ARHGEF7: variants seen among roughly 807,000 people sequenced by gnomAD.
ARHGEF7 encodes Rho guanine nucleotide exchange factor 7.
ARHGEF7 carries 33 observed loss-of-function variants against 109.8 expected under a neutral mutation model. The ratio of observed to expected loss-of-function variants is 0.30; its 90% CI spans 0.23 to 0.40. The LOEUF (loss-of-function observed/expected upper bound fraction) is 0.40. Ranked by LOEUF, ARHGEF7 falls within the 10% of genes least tolerant of loss-of-function variation. The pLI is 1.00. For synonymous variants in ARHGEF7, 458 were observed against 424.6 expected (o/e 1.08, Z -0.97); for missense variants, 938 against 1,098.5 (o/e 0.85, Z 2.07).
chr13:111,233,162 C>G (rs1172456802), intron 5 of ARHGEF7, 43 bp from the exon 6 acceptor site: 3 of 1,531,090 alleles, frequency 2.0e-6, no homozygotes, highest in African/African-American at 2.7e-5. Flanking sequence ...CTTTTGTCAT[C>G]TTTAGTACTG....
At chr13:111,221,515 ATATATATC>A (rs2084271749) in intron 5 of ARHGEF7, among the ~76,000 whole-genome samples, 1 of 49,758 alleles carries the variant, frequency 2.0e-5, no homozygotes, top group African/African-American at 7.8e-5. Flanking sequence ...ATATATATAG[ATATATATC>A]TATATATATC....
At chr13:111,294,288 C>G (rs187706174) in intron 19 of ARHGEF7, 6 of 985,290 alleles carry the variant, frequency 6.1e-6, no homozygotes, top group Middle Eastern at 5.2e-4. Flanking sequence ...TTGTTTGCCT[C>G]GAGACTACTC....
intron 2 of ARHGEF7, among the ~76,000 whole-genome samples, chr13:111,201,574 C>A (rs530974715): frequency 6.6e-6 from 1 of 152,210 alleles, no homozygotes. Flanking sequence ...TTTTCCTTGG[C>A]AGAATGGAGT....
chr13:111,245,216 G>A (rs2153547953), intron 8 of ARHGEF7, among the ~76,000 whole-genome samples: 1 of 152,278 alleles, frequency 6.6e-6, no homozygotes, highest in South Asian at 2.1e-4. Context: ...GATTCAGAAA[G>A]TTGTAGTGGA....
intron 5 of ARHGEF7, among the ~76,000 whole-genome samples, chr13:111,223,687 A>G (rs144363409): frequency 5.3e-5 from 8 of 152,332 alleles, no homozygotes; most frequent in Admixed American, 1.3e-4. Context: ...GAAGACAGAT[A>G]AAATGTTCTA....
At chr13:111,292,489 C>G (rs1038994391) in intron 19 of ARHGEF7, 195 bp downstream of exon 19, 1 of 1,433,208 alleles carries the variant, frequency 7.0e-7, no homozygotes, top group African/African-American at 1.4e-5. Flanking sequence ...GCTTAACTGC[C>G]GATGCGAGTA....
chr13:111,246,226 T>A (rs887374544), intron 8 of ARHGEF7, among the ~76,000 whole-genome samples: 14 of 152,232 alleles, frequency 9.2e-5, no homozygotes, highest in African/African-American at 3.1e-4. Flanking sequence ...TACTTGTGGG[T>A]TTGATGAAGG....
At chr13:111,150,514 T>C (rs1348334529) in intron 1 of ARHGEF7, among the ~76,000 whole-genome samples, 2 of 152,256 alleles carry the variant, frequency 1.3e-5, no homozygotes, top group Non-Finnish European at 1.5e-5. Context: ...TTTTTTTACA[T>C]TGTTTTTTAT....
intron 1 of ARHGEF7, among the ~76,000 whole-genome samples, chr13:111,123,496 T>C (rs1888846): frequency 0.94 from 139,652 of 148,758 alleles, 65,280 homozygotes; most frequent in Non-Finnish European, 1. Context: ...CACACACACA[T>C]ACATGCCCGT....
At chr13:111,296,173 T>A (rs2093423677) in intron 19 of ARHGEF7, among the ~76,000 whole-genome samples, 1 of 150,776 alleles carries the variant, frequency 6.6e-6, no homozygotes, top group Admixed American at 6.7e-5. Flanking sequence ...ATCTCGTCTA[T>A]GAAATGGAAA....
rs574722606 is a variant in ARHGEF7 at position 111,255,455 on chromosome 13, C to T, written c.950+11161C>T. 3.9e-5 allele frequency among the ~76,000 whole-genome samples: 6 copies of T among 152,314 alleles called. No individual in the cohort carries two copies. The East Asian group carries it at 1.2e-3, about 29-fold the overall frequency. On this transcript the variant is annotated intron_variant, in intron 8 of 21. Transcript: ENST00000646102. The surrounding 1 kb of genome is among the most constrained non-coding windows in gnomAD (Gnocchi z 4.1). The stretch of plus-strand genomic sequence containing the variant: ...TATAAAGCAGGGGTGCTGGTGTCAC[C>T]CACCCAGAGTCTTGCGGAGGTAAAG...
chr13:111,157,303 T>C (rs576129985), intron 2 of ARHGEF7, among the ~76,000 whole-genome samples: 7 of 142,082 alleles, frequency 4.9e-5, no homozygotes, highest in Admixed American at 2.1e-4. Flanking sequence ...TTTTTTTTTT[T>C]CCAGTTAGGG....
chr13:111,212,790 T>G (rs1431253561), intron 4 of ARHGEF7, among the ~76,000 whole-genome samples: 3 of 152,234 alleles, frequency 2.0e-5, no homozygotes. Context: ...ATTCAAAGAC[T>G]TCTCTTTTTA....
chr13:111,239,237 A>G lies in ARHGEF7; in HGVS notation c.760-4635A>G, dbSNP rs1237819513. On this transcript the variant is annotated intron_variant, in intron 6 of 21. Coordinates refer to ENST00000646102, the MANE Select transcript of ARHGEF7 (RefSeq NM_001354046.2). The surrounding 1 kb of genome is among the most constrained non-coding windows in gnomAD (Gnocchi z 4.3). Reference sequence around the variant, plus strand: ...TTTGGGTGGGCCATAGAGCCAAACCATATCACTTTCCCTGTTATTTAGAGC... The same window carrying G: ...TTTGGGTGGGCCATAGAGCCAAACCGTATCACTTTCCCTGTTATTTAGAGC... Among the ~76,000 whole-genome samples, 1 of 152,208 alleles carries G rather than the reference A, an allele frequency of 6.6e-6. No individual in the cohort carries two copies. Among genetic ancestry groups the G allele is most frequent in the African/African-American group, 2.4e-5 (1 of 41,448 alleles).
intron 9 of ARHGEF7, among the ~76,000 whole-genome samples, chr13:111,268,314 G>A (rs1309459118): frequency 6.6e-6 from 1 of 151,922 alleles, no homozygotes; most frequent in Non-Finnish European, 1.5e-5. Context: ...GAGCTCAGAG[G>A]CTCACTTTCT....
intron 10 of ARHGEF7, among the ~76,000 whole-genome samples, chr13:111,274,514 A>C (rs2092365204): frequency 6.6e-6 from 1 of 151,988 alleles, no homozygotes; most frequent in South Asian, 2.1e-4. Flanking sequence ...TGGCTTCCCC[A>C]CCCCTGCTGC....
intron 8 of ARHGEF7, among the ~76,000 whole-genome samples, chr13:111,260,623 A>G (rs1255259174): frequency 1.3e-5 from 2 of 152,270 alleles, no homozygotes; most frequent in Non-Finnish European, 2.9e-5. Context: ...GGAGTTCTTC[A>G]ATCTGAAAGA....
At chr13:111,240,213 C>G (rs867816684) in intron 6 of ARHGEF7, among the ~76,000 whole-genome samples, 9 of 152,158 alleles carry the variant, frequency 5.9e-5, no homozygotes, top group Non-Finnish European at 1.3e-4. Flanking sequence ...TCTGCTTCCC[C>G]CTGTGTGCTG....
At position 111,239,430 on chromosome 13, in the gene ARHGEF7, G is replaced by A. The variant is rs914894921; in HGVS notation, c.760-4442G>A. 8.5e-5 allele frequency among the ~76,000 whole-genome samples: 13 copies of A among 152,224 alleles called. No homozygotes were observed. The highest frequency in any genetic ancestry group is 3.1e-4 in the African/African-American group (13 of 41,540). On this transcript the variant is annotated intron_variant, in intron 6 of 21. Coordinates refer to ENST00000646102, the MANE Select transcript of ARHGEF7 (RefSeq NM_001354046.2). This position sits in a 1 kb window ranked among gnomAD's most constrained non-coding sequence, Gnocchi z 4.3. Reference sequence around the variant, plus strand: ...CTTTTCCTCCCTGCTCCTTTAGTTTGCGATGGCCTTCAGATGCCAGGCCAA... The same window carrying A: ...CTTTTCCTCCCTGCTCCTTTAGTTTACGATGGCCTTCAGATGCCAGGCCAA...
Sources: gnomAD v4.1 joint callset for allele counts (sites outside exome capture counted in the v4.1 genomes callset) on GRCh38, gnomAD v4.1.1 for gene constraint, Gnocchi (gnomAD v3.1) non-coding constraint, MANE v1.5 for transcripts, NCBI Gene and HGNC (gene_info 2026-07-23, HGNC 2026-07-21) for gene names.